GCNT3: variants seen among roughly 807,000 people sequenced by gnomAD.
GCNT3 encodes the protein beta-1,3-galactosyl-O-glycosyl-glycoprotein beta-1,6-N-acetylglucosaminyltransferase 3.
For synonymous variants in GCNT3, 269 were observed against 195.2 expected, an observed-to-expected ratio of 1.38 and a Z score of -3.15; for missense variants, 708 against 530.3, an observed-to-expected ratio of 1.34 and a Z score of -3.29.
rs766044436 is a variant in GCNT3, at chr15:59,618,505, G to C, written c.267G>C (p.Leu89=). 16 of 1,614,034 alleles carry C rather than the reference G, an allele frequency of 9.9e-6. No individual in the cohort carries two copies. The highest frequency in any genetic ancestry group is 1.3e-5 in the African/African-American group (1 of 74,922). ...TGCTTCAGGCTATTCTGAATAACCT[G>C]GAGGTCAAGAAGAAGCGAGAGCCTT... ...EAVLQAILNN[L]EVKKKREPFT... Residue 89 remains leucine (L), a synonymous_variant, in exon 3 of 3, where the codon CTG becomes CTC. Coordinates refer to ENST00000396065, the MANE Select transcript of GCNT3 (RefSeq NM_004751.3).
intron 1 of GCNT3, among the ~76,000 whole-genome samples, chr15:59,613,689 G>A (rs2082706836): frequency 6.6e-6 from 1 of 152,106 alleles, no homozygotes; most frequent in African/African-American, 2.4e-5. Flanking sequence ...TGGCGCCACT[G>A]CACTCCAATC....
chr15:59,614,579 A>G (rs2082711223), intron 1 of GCNT3, among the ~76,000 whole-genome samples: 2 of 152,126 alleles, frequency 1.3e-5, no homozygotes, highest in Non-Finnish European at 2.9e-5. Flanking sequence ...TGTTGTTGCC[A>G]TGGTATTTGT....
At position 59,619,763 on chromosome 15, in the gene GCNT3, A is replaced by C; in HGVS notation, c.*208A>C. On this transcript the variant is annotated 3_prime_UTR_variant, in exon 3 of 3. Transcript: ENST00000396065. ...AATGCTGCTTGTTCTCTCACCCCTA[A>C]CCCTAGTAGTTCCTCCACTAACTTT... The C allele has an allele frequency of 2.0e-6, 1 of 508,600 alleles. No individual in the cohort carries two copies. Among genetic ancestry groups the C allele is most frequent in the South Asian group, 2.7e-5 (1 of 37,704 alleles). 31.5% of individuals were successfully genotyped at this position (508,600 alleles called of 1,614,324 possible).
Position 59,619,647 on chromosome 15 carries a change from C to A in GCNT3, c.*92C>A. On this transcript the variant is annotated 3_prime_UTR_variant, in exon 3 of 3. Coordinates refer to ENST00000396065, the MANE Select transcript of GCNT3 (RefSeq NM_004751.3). Reference sequence around the variant, plus strand: ...GGACAGTGTGGGTGGGAGACCAGGGCTTTGCAATTCGTGGCATCCTTTAGG... The same window carrying A: ...GGACAGTGTGGGTGGGAGACCAGGGATTTGCAATTCGTGGCATCCTTTAGG... The A allele has an allele frequency of 1.3e-6, 1 of 799,730 alleles. No individual in the cohort carries two copies. Among genetic ancestry groups the A allele is most frequent in the East Asian group, 2.5e-5 (1 of 40,782 alleles). 49.5% of individuals were successfully genotyped at this position (799,730 alleles called of 1,614,324 possible). A position where few individuals can be genotyped will look rare whatever the true frequency, so the allele number is the denominator to read the frequency against.
intron 1 of GCNT3, among the ~76,000 whole-genome samples, chr15:59,613,276 A>T (rs576192047): frequency 6.6e-6 from 1 of 152,248 alleles, no homozygotes; most frequent in South Asian, 2.1e-4. Context: ...GCTGAGTCCC[A>T]CGCTGGGCTT....
rs767842585 is a variant in GCNT3 at position 59,618,445 on chromosome 15, C to T, written c.207C>T (p.Asn69=). 18 of 1,613,924 alleles carry T rather than the reference C, an allele frequency of 1.1e-5. No homozygotes were observed. In the South Asian group the frequency reaches 1.9e-4, roughly 17 times the overall value. The change falls in exon 3 of 3, where the codon AAC becomes AAT. Residue 69 remains asparagine, a synonymous_variant. Coordinates refer to ENST00000396065, the MANE Select transcript of GCNT3 (RefSeq NM_004751.3). The part of the protein sequence containing the change: ...FLKLPAKRSI[N]CSGVTRGDQE... ...AACTTCCAGCAAAGAGGTCTATCAACTGTTCAGGGGTCACCCGAGGGGACC... is the reference window on the plus strand; with the variant it reads ...AACTTCCAGCAAAGAGGTCTATCAATTGTTCAGGGGTCACCCGAGGGGACC...
Position 59,619,285 on chromosome 15 carries a change from C to T in GCNT3, c.1047C>T (p.His349=). 6.2e-7 allele frequency: 1 copy of T among 1,614,134 alleles called. No homozygotes were observed. Among genetic ancestry groups the T allele is most frequent in the South Asian group, 1.1e-5 (1 of 91,072 alleles). The change falls in exon 3 of 3, where the codon CAC becomes CAT. Residue 349 remains histidine, a synonymous_variant. Transcript: ENST00000396065. ...GGATGCCTGGCTCTGTTCCCAACCA[C>T]CCCAAGTACGACATCTCAGACATGA... ...ARWMPGSVPN[H]PKYDISDMTS... is the part of the protein sequence containing the mutation.
Position 59,619,229 on chromosome 15 carries a change from C to T in GCNT3, c.991C>T (p.His331Tyr), listed in dbSNP as rs1235843295. 26 of 1,613,914 alleles carry T rather than the reference C, an allele frequency of 1.6e-5. No homozygotes were observed. Among genetic ancestry groups the T allele is most frequent in the Non-Finnish European group, 2.2e-5 (26 of 1,179,970 alleles). ...AAAAGACACTTATAGCCCAGATGAA[C>T]ACCTCTGGGCCACCCTTCAGCGTGC... is the stretch of plus-strand genomic sequence containing the variant. ...WVKDTYSPDE[H>Y]LWATLQRARW... The change falls in exon 3 of 3, where the codon CAC becomes TAC. Residue 331 changes from histidine to tyrosine, a missense_variant. Transcript: ENST00000396065.
chr15:59,619,387 T>G lies in GCNT3; in HGVS notation c.1149T>G (p.Ser383=), dbSNP rs1392552421. ...IDKGAPYAPC[S]GIHQRAICVY... Reference sequence around the variant, plus strand: ...AGGGTGCTCCTTATGCTCCCTGCTCTGGAATCCACCAGCGGGCTATCTGCG... The same window carrying G: ...AGGGTGCTCCTTATGCTCCCTGCTCGGGAATCCACCAGCGGGCTATCTGCG... Residue 383 remains serine (S), a synonymous_variant, in exon 3 of 3, where the codon TCT becomes TCG. Coordinates refer to ENST00000396065, the MANE Select transcript of GCNT3 (RefSeq NM_004751.3). The G allele has an allele frequency of 1.9e-6, 3 of 1,614,056 alleles. No homozygotes were observed. The South Asian group carries it at 3.3e-5, about 18-fold the overall frequency.
intron 1 of GCNT3, among the ~76,000 whole-genome samples, chr15:59,614,393 A>T (rs191336566): frequency 6.6e-6 from 1 of 152,330 alleles, no homozygotes; most frequent in African/African-American, 2.4e-5. Context: ...GCGAGTCCGT[A>T]AAGTGAAAGC....
In GCNT3 at chr15:59,619,016, C is replaced by G. The variant is rs145755021; in HGVS notation, c.778C>G (p.His260Asp). ...NSMESEVPPK[H>D]KETRWKYHFE... Reference sequence around the variant, plus strand: ...CATGGAGTCAGAGGTACCTCCTAAGCACAAAGAAACCCGCTGGAAATATCA... The same window carrying G: ...CATGGAGTCAGAGGTACCTCCTAAGGACAAAGAAACCCGCTGGAAATATCA... Residue 260 changes from histidine to aspartate, a missense_variant, in exon 3 of 3, where the codon CAC becomes GAC. Physicochemically the swap from His to Asp is moderately conservative, Grantham distance 81. Coordinates refer to ENST00000396065, the MANE Select transcript of GCNT3 (RefSeq NM_004751.3). The G allele has an allele frequency of 1.3e-3, 2,164 of 1,614,126 alleles. 4 individuals are homozygous for G. Among genetic ancestry groups the G allele is most frequent in the South Asian group, 2.8e-3 (254 of 91,082 alleles).
chr15:59,612,520 T>C (rs1391484275), intron 1 of GCNT3, among the ~76,000 whole-genome samples: 3 of 152,214 alleles, frequency 2.0e-5, no homozygotes, highest in Non-Finnish European at 4.4e-5. Flanking sequence ...TTCAGCATCA[T>C]CTGGCTGTAC....
At position 59,619,200 on chromosome 15, in the gene GCNT3, G is replaced by A; in HGVS notation, c.962G>A (p.Trp321Ter). Reference sequence around the variant, plus strand: ...CCTAAATCCCAACAACTGATTGAATGGGTAAAAGACACTTATAGCCCAGAT... The same window carrying A: ...CCTAAATCCCAACAACTGATTGAATAGGTAAAAGACACTTATAGCCCAGAT... The part of the protein sequence containing the change: ...KNPKSQQLIE[W>*]VKDTYSPDEH... The change falls in exon 3 of 3, where the codon TGG becomes TAG. Residue 321 changes from tryptophan to a stop codon, truncating the protein, a stop_gained. Coordinates refer to ENST00000396065, the MANE Select transcript of GCNT3 (RefSeq NM_004751.3). LOFTEE classifies it low-confidence loss of function (END_TRUNC). 6.2e-7 allele frequency: 1 copy of A among 1,614,022 alleles called. No homozygotes were observed. Among genetic ancestry groups the A allele is most frequent in the Non-Finnish European group, 8.5e-7 (1 of 1,179,966 alleles).
chr15:59,613,542 A>C (rs1402440865), intron 1 of GCNT3, among the ~76,000 whole-genome samples: 2 of 102,816 alleles, frequency 1.9e-5, no homozygotes, highest in African/African-American at 4.0e-5. Context: ...TACAATAAAT[A>C]AATAAATAAA....
intron 1 of GCNT3, among the ~76,000 whole-genome samples, chr15:59,613,325 C>T (rs1445526504): frequency 6.6e-6 from 1 of 151,932 alleles, no homozygotes; most frequent in Admixed American, 6.6e-5. Context: ...TGTAGACCAT[C>T]TCAACAAAAT....
rs1372767017 is a variant in GCNT3, at chr15:59,622,484, T to A, written c.*2929T>A. The A allele has an allele frequency of 6.6e-6, 1 of 151,686 alleles. No homozygotes were observed. The highest frequency in any genetic ancestry group is 1.5e-5 in the Non-Finnish European group (1 of 67,928). 9.4% of individuals were successfully genotyped at this position (151,686 alleles called of 1,614,324 possible). A position where few individuals can be genotyped will look rare whatever the true frequency, so the allele number is the denominator to read the frequency against. Reference sequence around the variant, plus strand: ...TACACAGTGGGTGTGCCCTGAGAGGTCTGTTGCCAGCAGTGGTGATCGATC... The same window carrying A: ...TACACAGTGGGTGTGCCCTGAGAGGACTGTTGCCAGCAGTGGTGATCGATC... On this transcript the variant is annotated 3_prime_UTR_variant, in exon 3 of 3. Coordinates refer to ENST00000396065, the MANE Select transcript of GCNT3 (RefSeq NM_004751.3).
chr15:59,619,182 C>T lies in GCNT3; in HGVS notation c.944C>T (p.Ser315Phe). The change falls in exon 3 of 3, where the codon TCC (serine) becomes TTC (phenylalanine). Residue 315 changes from serine to phenylalanine, a missense_variant. Coordinates refer to ENST00000396065, the MANE Select transcript of GCNT3 (RefSeq NM_004751.3). ...CAACATGTTTTGAAGAACCCTAAAT[C>T]CCAACAACTGATTGAATGGGTAAAA... ...FVQHVLKNPK[S>F]QQLIEWVKDT... is the part of the protein sequence containing the mutation. 3 of 1,614,020 alleles carry T rather than the reference C, an allele frequency of 1.9e-6. No individual in the cohort carries two copies. The highest frequency in any genetic ancestry group is 2.5e-6 in the Non-Finnish European group (3 of 1,179,982).
chr15:59,613,563 AAT>A (rs1317784672), intron 1 of GCNT3, among the ~76,000 whole-genome samples: 41 of 149,460 alleles, frequency 2.7e-4, no homozygotes, highest in African/African-American at 9.1e-4. Context: ...TAAATAAATA[AAT>A]AAATAAATAA....
rs559052868 is a variant in GCNT3 at position 59,619,256 on chromosome 15, C to A, written c.1018C>A (p.Arg340=). The A allele has an allele frequency of 1.9e-6, 3 of 1,614,084 alleles. No homozygotes were observed. Among genetic ancestry groups the A allele is most frequent in the East Asian group, 4.5e-5 (2 of 44,882 alleles). The part of the protein sequence containing the change: ...EHLWATLQRA[R]WMPGSVPNHP... ...CCTCTGGGCCACCCTTCAGCGTGCACGGTGGATGCCTGGCTCTGTTCCCAA... is the reference window on the plus strand; with the variant it reads ...CCTCTGGGCCACCCTTCAGCGTGCAAGGTGGATGCCTGGCTCTGTTCCCAA... The change falls in exon 3 of 3, where the codon CGG becomes AGG. Residue 340 remains arginine (R), a synonymous_variant. Transcript: ENST00000396065.
Sources: gnomAD v4.1 joint callset for allele counts (sites outside exome capture counted in the v4.1 genomes callset) on GRCh38, gnomAD v4.1.1 for gene constraint, MANE v1.5 for transcripts, NCBI Gene and HGNC (gene_info 2026-07-23, HGNC 2026-07-21) for gene names.